The following ZBTB44 variants were observed in gnomAD, a reference collection of about 807,000 sequenced individuals.
ZBTB44 encodes the protein zinc finger and BTB domain containing 44.
A neutral mutation model predicts 54.0 loss-of-function variants in ZBTB44; 15 were observed. The ratio of observed to expected loss-of-function variants is 0.28; its 90% CI spans 0.19 to 0.43. The LOEUF is 0.43. ZBTB44 is among the 20% of genes least tolerant of loss of function. The probability of loss-of-function intolerance (pLI) is 1.00; values close to 1 mark genes in which losing one functional copy is unlikely to be tolerated. For missense variants in ZBTB44, 487 were observed against 707.1 expected, an observed-to-expected ratio of 0.69 and a Z score of 3.53; for synonymous variants, 230 against 250.1, an observed-to-expected ratio of 0.92 and a Z score of 0.76.
At chr11:130,246,519 C>T (rs1388548941) in intron 2 of ZBTB44, among the ~76,000 whole-genome samples, 2 of 152,036 alleles carry the variant, frequency 1.3e-5, no homozygotes, top group African/African-American at 2.4e-5. Context: ...AAGACAGAGT[C>T]GACTCTCTCC....
chr11:130,248,979 C>T (rs1937761942), intron 2 of ZBTB44, among the ~76,000 whole-genome samples: 1 of 151,992 alleles, frequency 6.6e-6, no homozygotes, highest in African/African-American at 2.4e-5. Context: ...TGGTGTGTGC[C>T]TGCAGTCCCA....
At chr11:130,252,617 G>A (rs1938110622) in intron 2 of ZBTB44, among the ~76,000 whole-genome samples, 1 of 152,070 alleles carries the variant, frequency 6.6e-6, no homozygotes. Flanking sequence ...TCAGGATTAA[G>A]AAACTCACTC....
At chr11:130,298,530 T>C (rs1419629338) in intron 1 of ZBTB44, among the ~76,000 whole-genome samples, 1 of 149,920 alleles carries the variant, frequency 6.7e-6, no homozygotes, top group Non-Finnish European at 1.5e-5. Context: ...TGGCATGATC[T>C]TGGCTCACTG....
At position 130,230,413 on chromosome 11, in the gene ZBTB44, GTTTTTTTT is replaced by G. The variant is rs60251959; in HGVS notation, c.*1343_*1350del. ...GGCAAAGTATTTTAACAAGATGAAA[GTTTTTTTT>G]TTTTTTTTTTTTTGCTAGTTATTAA... On this transcript the variant is annotated 3_prime_UTR_variant, in exon 8 of 8. Coordinates refer to ENST00000357899, the MANE Select transcript of ZBTB44 (RefSeq NM_001301098.2). The G allele has an allele frequency of 1.5e-4, 16 of 105,416 alleles. No individual in the cohort carries two copies. The highest frequency in any genetic ancestry group is 2.5e-4 in the Non-Finnish European group (14 of 55,126). The allele number at this position is 105,416 out of a possible 1,614,324, so 6.5% of individuals were successfully genotyped here.
chr11:130,259,491 GAC>G (rs2136422901), intron 2 of ZBTB44, among the ~76,000 whole-genome samples: 1 of 152,248 alleles, frequency 6.6e-6, no homozygotes, highest in East Asian at 1.9e-4. Context: ...CTACTATAAA[GAC>G]ACATGCGCAC....
chr11:130,279,629 A>G (rs886633416), intron 1 of ZBTB44, among the ~76,000 whole-genome samples: 34 of 152,194 alleles, frequency 2.2e-4, no homozygotes, highest in Admixed American at 1.8e-3. Flanking sequence ...ACTGCACTTC[A>G]GCCTGGACAA....
rs138465334 is a variant in ZBTB44, at chr11:130,293,896, T to C, written c.-57+20479A>G. 3.2e-3 allele frequency among the ~76,000 whole-genome samples: 484 copies of C among 152,340 alleles called. 6 individuals are homozygous for C. The highest frequency in any genetic ancestry group is 0.011 in the African/African-American group (463 of 41,570). Reference sequence around the variant, plus strand: ...TTTTACTCTATGAATAAGCCCTTTCTAGTTCAGAGATTTGAAAAAGTAATG... The same window carrying C: ...TTTTACTCTATGAATAAGCCCTTTCCAGTTCAGAGATTTGAAAAAGTAATG... On this transcript the variant is annotated intron_variant, in intron 1 of 7. Coordinates refer to ENST00000357899, the MANE Select transcript of ZBTB44 (RefSeq NM_001301098.2).
rs540315530 is a variant in ZBTB44, at chr11:130,280,032, GAAGACT to G, written c.-56-18109_-56-18104del. ...TTGGCAGAAAGGGGGACAGCAACCT[GAAGACT>G]TCTAGGCTTGACTCAATCATTGCTT... On this transcript the variant is annotated intron_variant, in intron 1 of 7. Coordinates refer to ENST00000357899, the MANE Select transcript of ZBTB44 (RefSeq NM_001301098.2). Among the ~76,000 whole-genome samples, 42 of 152,276 alleles carry G rather than the reference GAAGACT, an allele frequency of 2.8e-4. 3 individuals carry two copies. In the South Asian group the frequency reaches 8.1e-3, roughly 29 times the overall value.
At chr11:130,299,374 A>C (rs939908353) in intron 1 of ZBTB44, among the ~76,000 whole-genome samples, 2 of 152,046 alleles carry the variant, frequency 1.3e-5, no homozygotes, top group African/African-American at 2.4e-5. Context: ...GAATCAACAA[A>C]GGAAACTGGA....
intron 1 of ZBTB44, among the ~76,000 whole-genome samples, chr11:130,306,679 G>A (rs1291692360): frequency 6.6e-6 from 1 of 152,002 alleles, no homozygotes; most frequent in Non-Finnish European, 1.5e-5. Context: ...CAAACAACGA[G>A]CAGATAAAGA....
At chr11:130,285,758 T>A in intron 1 of ZBTB44, 2 of 224,556 alleles carry the variant, frequency 8.9e-6, no homozygotes, top group South Asian at 1.6e-4. Context: ...CCCAAACCAG[T>A]TCATGCCCAC....
At chr11:130,241,589 C>T (rs762116227) in intron 2 of ZBTB44, among the ~76,000 whole-genome samples, 1 of 152,116 alleles carries the variant, frequency 6.6e-6, no homozygotes, top group Non-Finnish European at 1.5e-5. Context: ...GTTCTTTTCA[C>T]AATTTGTATA....
At chr11:130,268,214 G>A (rs1939399857) in intron 1 of ZBTB44, among the ~76,000 whole-genome samples, 1 of 133,330 alleles carries the variant, frequency 7.5e-6, no homozygotes, top group African/African-American at 3.2e-5. Flanking sequence ...TGAGACCCAC[G>A]TCTAATTTAA....
In ZBTB44 at chr11:130,296,544, A is replaced by G. The variant is rs1941663957; in HGVS notation, c.-57+17831T>C. On this transcript the variant is annotated intron_variant, in intron 1 of 7. Transcript: ENST00000357899. ...CCTCAAGTCAACTGGATTGTTCACT[A>G]TGACCATCCGGATGACCCTAAGGAA... 10 of 896,072 alleles carry G rather than the reference A, an allele frequency of 1.1e-5. No individual in the cohort carries two copies. The South Asian group carries it at 1.3e-4, about 12-fold the overall frequency. The allele number at this position is 896,072 out of a possible 1,614,324, so 55.5% of individuals were successfully genotyped here. A position where few individuals can be genotyped will look rare whatever the true frequency, so the allele number is the denominator to read the frequency against.
intron 1 of ZBTB44, among the ~76,000 whole-genome samples, chr11:130,305,244 TAG>T (rs1376357221): frequency 6.6e-6 from 1 of 152,104 alleles, no homozygotes; most frequent in Non-Finnish European, 1.5e-5. Flanking sequence ...TCTATAGAAC[TAG>T]AAAACACAAT....
At chr11:130,231,871 A>C (rs551316914) in intron 7 of ZBTB44, 156 bp from the exon 8 acceptor site, 1 of 152,340 alleles carries the variant, frequency 6.6e-6, no homozygotes, top group African/African-American at 2.4e-5. Context: ...GAGACACAGC[A>C]GTACTATATG....
intron 1 of ZBTB44, among the ~76,000 whole-genome samples, chr11:130,275,285 G>T (rs986497572): frequency 6.6e-6 from 1 of 152,020 alleles, no homozygotes; most frequent in Non-Finnish European, 1.5e-5. Context: ...ACTACATACC[G>T]TGAGTGTTTG....
rs1236256358 is a variant in ZBTB44 at position 130,228,677 on chromosome 11, T to C, written c.*3087A>G. 6.6e-6 allele frequency: 1 copy of C among 152,204 alleles called. No individual in the cohort carries two copies. The highest frequency in any genetic ancestry group is 1.5e-5 in the Non-Finnish European group (1 of 68,040). 9.4% of individuals were successfully genotyped at this position (152,204 alleles called of 1,614,324 possible). On this transcript the variant is annotated 3_prime_UTR_variant, in exon 8 of 8. Coordinates refer to ENST00000357899, the MANE Select transcript of ZBTB44 (RefSeq NM_001301098.2). ...CAGCAGGTGATGTACTTTGGTAACC[T>C]CAACATTCATTTATGGGATGATTTT...
At chr11:130,287,771 T>C (rs1326746565) in intron 1 of ZBTB44, among the ~76,000 whole-genome samples, 1 of 152,108 alleles carries the variant, frequency 6.6e-6, no homozygotes, top group African/African-American at 2.4e-5. Context: ...CAGCGGATTT[T>C]AAACTCGAAT....
Sources: allele counts gnomAD v4.1 joint callset (sites outside exome capture counted in the v4.1 genomes callset), GRCh38; gene constraint gnomAD v4.1.1; transcripts MANE v1.5; gene names NCBI Gene and HGNC (gene_info 2026-07-23, HGNC 2026-07-21).